The following ASXL1 variants were observed in gnomAD, a reference collection of about 807,000 sequenced individuals.
ASXL1 encodes ASXL transcriptional regulator 1, also known as polycomb group protein ASXL1.
ASXL1 carries 65 observed loss-of-function variants against 89.1 expected under a neutral mutation model. The observed-to-expected ratio is 0.73, with a 90% CI of 0.60 to 0.90. ASXL1 has a LOEUF of 0.90. Among genes scored for constraint, ASXL1 ranks in the 40% least tolerant of loss-of-function variants. ASXL1 has a pLI of 0.00. For missense variants in ASXL1, 1,786 were observed against 1,942.9 expected (o/e 0.92, Z 1.52); for synonymous variants, 739 against 746.9 (o/e 0.99, Z 0.17).
intron 1 of ASXL1, among the ~76,000 whole-genome samples, chr20:32,362,655 AAAC>A (rs567141023): frequency 1.6e-3 from 239 of 152,272 alleles, no homozygotes; most frequent in African/African-American, 5.6e-3. Flanking sequence ...CAAACAAACA[AAAC>A]AACAACAACA....
chr20:32,399,865 G>A (rs569152494), intron 4 of ASXL1, among the ~76,000 whole-genome samples: 1 of 139,262 alleles, frequency 7.2e-6, no homozygotes, highest in South Asian at 2.3e-4. Context: ...GGTTTCAAGC[G>A]ATCCTCCCAC....
chr20:32,433,657 G>A lies in ASXL1; in HGVS notation c.1459G>A (p.Ala487Thr), dbSNP rs2123263679. The change falls in exon 12 of 13, where the codon GCT becomes ACT. Residue 487 changes from alanine to threonine, a missense_variant. By Grantham distance (58) the Ala-to-Thr change is moderately conservative. Coordinates refer to ENST00000375687, the MANE Select transcript of ASXL1 (RefSeq NM_015338.6). ...EGPEFPVESV[A>T]SRIQAEPDNL... is the part of the protein sequence containing the mutation. ...TCCCGAATTCCCAGTTGAGTCTGTGGCTTCTCGGATCCAGGCTGAGCCAGA... is the reference window on the plus strand; with the variant it reads ...TCCCGAATTCCCAGTTGAGTCTGTGACTTCTCGGATCCAGGCTGAGCCAGA... The A allele has an allele frequency of 6.2e-7, 1 of 1,611,754 alleles. No individual in the cohort carries two copies.
chr20:32,429,365 G>A lies in ASXL1; in HGVS notation c.499G>A (p.Val167Met), dbSNP rs1374773723. 1.2e-6 allele frequency: 2 copies of A among 1,614,190 alleles called. No individual in the cohort carries two copies. Among genetic ancestry groups the A allele is most frequent in the Non-Finnish European group, 1.7e-6 (2 of 1,180,028 alleles). ...GAACAAACAAAAGAAAAAGACTGGG[G>A]TGATGCTGCCTCGAGTTGTCCTGAC... ...QANKQKKKTGVMLPRVVLTPL... is the reference protein window; with the variant it reads ...QANKQKKKTGMMLPRVVLTPL... The change falls in exon 7 of 13, where the codon GTG (valine) becomes ATG (methionine). Residue 167 changes from valine (V) to methionine (M), a missense_variant. Val to Met is a conservative substitution (Grantham distance 21, BLOSUM62 1). Around this residue, in one of 3 missense-constraint regions of ASXL1, gnomAD observed 332 missense variants for 449.7 expected, o/e 0.74. Coordinates refer to ENST00000375687, the MANE Select transcript of ASXL1 (RefSeq NM_015338.6). The surrounding 1 kb of genome is among the most constrained non-coding windows in gnomAD (Gnocchi z 4.9).
Position 32,376,889 on chromosome 20 carries a change from T to A in ASXL1, c.252+7766T>A, listed in dbSNP as rs562190824. On this transcript the variant is annotated intron_variant, in intron 4 of 12. Coordinates refer to ENST00000375687, the MANE Select transcript of ASXL1 (RefSeq NM_015338.6). The stretch of plus-strand genomic sequence containing the variant: ...TTATATGTTATATATTTTATATTTA[T>A]AAAATAAAAATAAAAAATTGCAATT... Among the ~76,000 whole-genome samples, 5 of 142,804 alleles carry A rather than the reference T, an allele frequency of 3.5e-5. No individual in the cohort carries two copies. The South Asian group carries it at 1.1e-3, about 30-fold the overall frequency. The allele number at this position is 142,804 out of a possible 152,430, so 93.7% of individuals were successfully genotyped here.
At chr20:32,363,585 C>G (rs768263157) in intron 1 of ASXL1, among the ~76,000 whole-genome samples, 1 of 152,212 alleles carries the variant, frequency 6.6e-6, no homozygotes, top group African/African-American at 2.4e-5. Context: ...CATAGTTTCT[C>G]CTTTCACTCT....
intron 4 of ASXL1, among the ~76,000 whole-genome samples, chr20:32,399,467 A>T (rs1600525081): frequency 7.5e-6 from 1 of 134,196 alleles, no homozygotes; most frequent in Non-Finnish European, 1.6e-5. Flanking sequence ...GTTCTTGGAT[A>T]TGTCGGTTTA....
intron 4 of ASXL1, among the ~76,000 whole-genome samples, chr20:32,381,607 C>T (rs1010100679): frequency 2.6e-5 from 4 of 151,156 alleles, no homozygotes; most frequent in African/African-American, 7.3e-5. Flanking sequence ...CTCCGCCTCC[C>T]GGGTTCACAC....
At chr20:32,392,916 C>T (rs930961254) in intron 4 of ASXL1, among the ~76,000 whole-genome samples, 2 of 152,014 alleles carry the variant, frequency 1.3e-5, no homozygotes, top group Admixed American at 6.6e-5. Context: ...AAAGGTTCCA[C>T]GGGCACTTGA....
intron 4 of ASXL1, among the ~76,000 whole-genome samples, chr20:32,421,035 A>G (rs1234689991): frequency 1.7e-5 from 2 of 118,412 alleles, no homozygotes; most frequent in Non-Finnish European, 3.3e-5. Context: ...CCATGGACAC[A>G]GGGAGGGAAA....
rs1379240545 is a variant in ASXL1 at position 32,432,910 on chromosome 20, T to A, written c.1010T>A (p.Ile337Lys). 2 of 1,613,870 alleles carry A rather than the reference T, an allele frequency of 1.2e-6. No homozygotes were observed. Among genetic ancestry groups the A allele is most frequent in the African/African-American group, 2.7e-5 (2 of 74,916 alleles). ...TTTACTCATGAGATGCAAGTCAGGA[T>A]ACGACAGGAAATGGAGAAGGAAAAG... ...GEFTHEMQVR[I>K]RQEMEKEKKV... The change falls in exon 11 of 13, where the codon ATA (isoleucine) becomes AAA (lysine). Residue 337 changes from isoleucine to lysine, a missense_variant. By Grantham distance (102) the Ile-to-Lys change is moderately radical. This residue lies in a region of ASXL1 where 332 missense variants were observed against 449.7 expected (regional missense o/e 0.74). Transcript: ENST00000375687.
rs146400612 is a variant in ASXL1 at position 32,394,065 on chromosome 20, C to T, written c.252+24942C>T. Among the ~76,000 whole-genome samples the T allele has an allele frequency of 9.5e-3, 1,415 of 148,496 alleles. 29 individuals carry two copies. Among genetic ancestry groups the T allele is most frequent in the African/African-American group, 0.033 (1,329 of 40,118 alleles). ...TCACCTGGGCTGGAGTGCAGTGGCG[C>T]GATCTCGGCTCACTGCAATCTCCGC... is the stretch of plus-strand genomic sequence containing the variant. On this transcript the variant is annotated intron_variant, in intron 4 of 12. Coordinates refer to ENST00000375687, the MANE Select transcript of ASXL1 (RefSeq NM_015338.6).
At chr20:32,423,256 G>T (rs1296518318) in intron 4 of ASXL1, among the ~76,000 whole-genome samples, 2 of 151,758 alleles carry the variant, frequency 1.3e-5, no homozygotes, top group Non-Finnish European at 2.9e-5. Flanking sequence ...TTTTGAGACA[G>T]TCTCACTCTG....
intron 4 of ASXL1, among the ~76,000 whole-genome samples, chr20:32,392,904 A>T (rs2048697136): frequency 6.6e-6 from 1 of 152,172 alleles, no homozygotes; most frequent in Non-Finnish European, 1.5e-5. Flanking sequence ...AGGTGTCTTG[A>T]TAAAGGTTCC....
intron 1 of ASXL1, among the ~76,000 whole-genome samples, chr20:32,361,219 C>T (rs188923756): frequency 2.6e-5 from 4 of 152,192 alleles, no homozygotes; most frequent in African/African-American, 7.2e-5. Context: ...TGGTGGTACA[C>T]ACCTGTGGTC....
intron 11 of ASXL1, 144 bp from the exon 12 acceptor site, chr20:32,433,140 C>G: frequency 6.5e-7 from 1 of 1,533,842 alleles, no homozygotes; most frequent in East Asian, 2.4e-5. Context: ...GTGAAGCTAA[C>G]AGAAGTTTTT....
intron 4 of ASXL1, among the ~76,000 whole-genome samples, chr20:32,377,587 GC>G (rs2048406819): frequency 6.6e-6 from 1 of 151,998 alleles, no homozygotes; most frequent in African/African-American, 2.4e-5. Context: ...TGAGGATGGG[GC>G]CCAAGTCTAA....
intron 4 of ASXL1, among the ~76,000 whole-genome samples, chr20:32,395,022 T>C (rs1300117231): frequency 2.0e-5 from 3 of 152,184 alleles, no homozygotes; most frequent in Admixed American, 6.5e-5. Context: ...CCTAAAAAGA[T>C]TTTAAAAGTA....
intron 4 of ASXL1, among the ~76,000 whole-genome samples, chr20:32,411,335 C>G (rs1342823415): frequency 7.5e-6 from 1 of 133,974 alleles, no homozygotes; most frequent in Non-Finnish European, 1.5e-5. Context: ...TCAAGTGATT[C>G]ATCTTCCTTA....
rs2011452677 is a variant in ASXL1, at chr20:32,429,502, T to C, written c.565+71T>C. On this transcript the variant is annotated intron_variant, in intron 7 of 12. Transcript: ENST00000375687. The surrounding 1 kb of genome is among the most constrained non-coding windows in gnomAD (Gnocchi z 4.9). ...GGACCTGGCCTCCCTCTGTCAGCAG[T>C]TTCTGACCTAATAGTGCGATACTAG... 1 of 1,480,906 alleles carries C rather than the reference T, an allele frequency of 6.8e-7. No homozygotes were observed. The highest frequency in any genetic ancestry group is 9.4e-7 in the Non-Finnish European group (1 of 1,060,038). The allele number at this position is 1,480,906 out of a possible 1,614,324, so 91.7% of individuals were successfully genotyped here. A position where few individuals can be genotyped will look rare whatever the true frequency, so the allele number is the denominator to read the frequency against.
Sources: gnomAD v4.1 joint callset for allele counts (sites outside exome capture counted in the v4.1 genomes callset) on GRCh38, gnomAD v4.1.1 for gene constraint, gnomAD v4.1.1 regional missense constraint, Gnocchi (gnomAD v3.1) non-coding constraint, MANE v1.5 for transcripts, NCBI Gene and HGNC (gene_info 2026-07-23, HGNC 2026-07-21) for gene names.